Variants in EPC2 observed in about 807,000 individuals in gnomAD.
The protein encoded by EPC2 is enhancer of polycomb 2, also known as enhancer of polycomb homolog 2.
A neutral mutation model predicts 92.1 loss-of-function variants in EPC2; 14 were observed. That is an observed-to-expected ratio of 0.15 (90% confidence interval 0.10 to 0.24). The LOEUF (loss-of-function observed/expected upper bound fraction) is 0.24. EPC2 is among the 10% of genes least tolerant of loss of function. The pLI is 1.00. For missense variants in EPC2, 755 were observed against 971.5 expected, an observed-to-expected ratio of 0.78 and a Z score of 2.96; for synonymous variants, 340 against 334.7, an observed-to-expected ratio of 1.02 and a Z score of -0.17.
chr2:148,691,539 C>T, intron 2 of EPC2: 1 of 1,550,322 alleles, frequency 6.5e-7, no homozygotes, highest in Non-Finnish European at 8.7e-7. Context: ...TTCATCTTTG[C>T]AGTGAAATTG....
At chr2:148,650,762 T>A (rs1407091392) in intron 1 of EPC2, among the ~76,000 whole-genome samples, 1 of 144,310 alleles carries the variant, frequency 6.9e-6, no homozygotes, top group Non-Finnish European at 1.5e-5. Flanking sequence ...TAAAATGCAG[T>A]TTTGTAAGTT....
At chr2:148,766,802 A>T (rs1683419267) in intron 7 of EPC2, among the ~76,000 whole-genome samples, 1 of 152,224 alleles carries the variant, frequency 6.6e-6, no homozygotes, top group Non-Finnish European at 1.5e-5. Flanking sequence ...AAAATGACAT[A>T]GTTAGATAAA....
intron 2 of EPC2, among the ~76,000 whole-genome samples, chr2:148,698,633 C>CAAAAA (rs36045036): frequency 3.9e-4 from 22 of 57,024 alleles, no homozygotes; most frequent in East Asian, 1.3e-3. Context: ...GACTCCATCT[C>CAAAAA]AAAAAAAAAA....
Position 148,769,389 on chromosome 2 carries a change from A to G in EPC2, c.1230+149A>G, listed in dbSNP as rs1683474386. On this transcript the variant is annotated intron_variant, in intron 8 of 13. Transcript: ENST00000258484. ...TATGTGGATACTGGTAAAAGATGCT[A>G]AAAGGTACTGAGTCCTTTCAAAGGG... 3 of 621,868 alleles carry G rather than the reference A, an allele frequency of 4.8e-6. No individual in the cohort carries two copies. In the South Asian group the frequency reaches 5.7e-5, roughly 12 times the overall value. The allele number at this position is 621,868 out of a possible 1,614,324, so 38.5% of individuals were successfully genotyped here.
At chr2:148,768,912 G>T (rs1426899514) in intron 7 of EPC2, among the ~76,000 whole-genome samples, 1 of 152,156 alleles carries the variant, frequency 6.6e-6, no homozygotes, top group Non-Finnish European at 1.5e-5. Flanking sequence ...ATGTTTAGAA[G>T]CAATCAAGCA....
At chr2:148,756,312 C>T (rs182125236) in intron 4 of EPC2, among the ~76,000 whole-genome samples, 1 of 152,266 alleles carries the variant, frequency 6.6e-6, no homozygotes, top group East Asian at 1.9e-4. Context: ...AGACGATTCC[C>T]TATCATGCTC....
At position 148,781,520 on chromosome 2, in the gene EPC2, A is replaced by G. The variant is rs570723620; in HGVS notation, c.1721-124A>G. ...CATTTTCATTAGATTATTTTCTGAT[A>G]TTCCATATTGTAATTTGTAATTGCT... is the stretch of plus-strand genomic sequence containing the variant. On this transcript the variant is annotated intron_variant, in intron 10 of 13. Transcript: ENST00000258484. 7.8e-6 allele frequency: 7 copies of G among 899,208 alleles called. No homozygotes were observed. The African/African-American group carries it at 1.0e-4, about 13-fold the overall frequency. 55.7% of individuals were successfully genotyped at this position (899,208 alleles called of 1,614,324 possible). A position where few individuals can be genotyped will look rare whatever the true frequency, so the allele number is the denominator to read the frequency against.
chr2:148,677,323 C>T (rs1681287330), intron 1 of EPC2, among the ~76,000 whole-genome samples: 1 of 152,088 alleles, frequency 6.6e-6, no homozygotes, highest in Non-Finnish European at 1.5e-5. Context: ...TGTCATCTGC[C>T]AACTCTCTTA....
At chr2:148,666,091 C>T (rs1461376402) in intron 1 of EPC2, among the ~76,000 whole-genome samples, 1 of 152,102 alleles carries the variant, frequency 6.6e-6, no homozygotes, top group African/African-American at 2.4e-5. Flanking sequence ...CTTTAGGCCA[C>T]GTTTTTCAAA....
intron 3 of EPC2, 110 bp from the exon 4 acceptor site, chr2:148,753,817 A>G: frequency 1.4e-6 from 1 of 726,554 alleles, no homozygotes; most frequent in Non-Finnish European, 2.2e-6. Context: ...CTATAATATT[A>G]TCTGTTAGTA....
intron 3 of EPC2, among the ~76,000 whole-genome samples, chr2:148,744,251 G>A (rs1682938413): frequency 6.6e-6 from 1 of 152,054 alleles, no homozygotes; most frequent in Non-Finnish European, 1.5e-5. Context: ...AATTTAAAAT[G>A]GCACTGTCTT....
intron 1 of EPC2, among the ~76,000 whole-genome samples, chr2:148,666,631 C>T (rs2105358012): frequency 6.6e-6 from 1 of 152,330 alleles, no homozygotes; most frequent in South Asian, 2.1e-4. Flanking sequence ...GAATTTTGTG[C>T]TTCTAGAGAA....
rs1441751784 is a variant in EPC2, at chr2:148,644,819, T to C, written c.-199T>C. 5.0e-5 allele frequency among the ~76,000 whole-genome samples: 2 copies of C among 39,712 alleles called. No homozygotes were observed. The highest frequency in any genetic ancestry group is 1.1e-4 in the African/African-American group (1 of 9,108). 26.1% of individuals were successfully genotyped at this position (39,712 alleles called of 152,430 possible). A position where few individuals can be genotyped will look rare whatever the true frequency, so the allele number is the denominator to read the frequency against. ...GCGGGCGAGCGGCGGATCTAGTGTGTGGAGGCGGCCGCGGGCGCGGGGGGC... is the reference window on the plus strand; with the variant it reads ...GCGGGCGAGCGGCGGATCTAGTGTGCGGAGGCGGCCGCGGGCGCGGGGGGC... On this transcript the variant is annotated 5_prime_UTR_variant, in exon 1 of 14. Coordinates refer to ENST00000258484, the MANE Select transcript of EPC2 (RefSeq NM_015630.4).
At chr2:148,766,353 C>T (rs1352303833) in intron 7 of EPC2, among the ~76,000 whole-genome samples, 1 of 152,156 alleles carries the variant, frequency 6.6e-6, no homozygotes, top group East Asian at 1.9e-4. Context: ...ATTATTTTTA[C>T]TCTTTTTCAC....
At chr2:148,785,985 GAAA>G in intron 13 of EPC2, among the ~76,000 whole-genome samples, 1 of 144,968 alleles carries the variant, frequency 6.9e-6, no homozygotes, top group South Asian at 2.2e-4. Flanking sequence ...CATCTCTCGA[GAAA>G]AAAAAAAGAA....
In EPC2 at chr2:148,771,162, C is replaced by T. The variant is rs934461326; in HGVS notation, c.1495C>T (p.Arg499Trp). The T allele has an allele frequency of 1.3e-5, 21 of 1,613,914 alleles. No homozygotes were observed. The highest frequency in any genetic ancestry group is 1.6e-5 in the Non-Finnish European group (19 of 1,179,828). Residue 499 changes from arginine (R) to tryptophan (W), a missense_variant, in exon 10 of 14, where the codon CGG becomes TGG. Transcript: ENST00000258484. ...QTIDFSSNFS[R>W]TNASSKHCEN... ...TATAGACTTTTCTTCTAATTTCTCT[C>T]GGACCAATGCTTCCAGTAAACATTG...
At chr2:148,747,185 T>C (rs2105410724) in intron 3 of EPC2, among the ~76,000 whole-genome samples, 1 of 152,156 alleles carries the variant, frequency 6.6e-6, no homozygotes. Context: ...TATTGACCTT[T>C]CACTGCTCTC....
At chr2:148,725,477 G>C (rs1429664316) in intron 2 of EPC2, among the ~76,000 whole-genome samples, 3 of 151,820 alleles carry the variant, frequency 2.0e-5, no homozygotes, top group Non-Finnish European at 2.9e-5. Context: ...TTCAATGTAT[G>C]GTTTTTTAAA....
At chr2:148,781,468 A>C (rs936122514) in intron 10 of EPC2, among the ~76,000 whole-genome samples, 176 bp from the exon 11 acceptor site, 1 of 152,212 alleles carries the variant, frequency 6.6e-6, no homozygotes, top group Non-Finnish European at 1.5e-5. Flanking sequence ...AAATACAAGC[A>C]TACACCACAC....
Sources: gnomAD v4.1 joint callset for allele counts (sites outside exome capture counted in the v4.1 genomes callset) on GRCh38, gnomAD v4.1.1 for gene constraint, MANE v1.5 for transcripts, NCBI Gene and HGNC (gene_info 2026-07-23, HGNC 2026-07-21) for gene names.